The following WDFY3 variants were observed in gnomAD, a reference collection of about 807,000 sequenced individuals.
WDFY3 encodes the protein WD repeat and FYVE domain-containing protein 3.
Under a neutral mutation model 409.6 loss-of-function variants are expected in WDFY3, and 66 were observed. The ratio of observed to expected loss-of-function variants is 0.16; its 90% CI spans 0.13 to 0.20. The LOEUF is 0.20. Ranked by LOEUF, WDFY3 falls within the 10% of genes least tolerant of loss-of-function variation. WDFY3 has a pLI of 1.00. For missense variants in WDFY3, 3,031 were observed against 4,298.1 expected (o/e 0.71, Z 8.24); for synonymous variants, 1,521 against 1,537.1 (o/e 0.99, Z 0.25).
intron 3 of WDFY3, among the ~76,000 whole-genome samples, chr4:84,891,563 T>G (rs560577358): frequency 3.7e-4 from 56 of 152,238 alleles, no homozygotes; most frequent in African/African-American, 1.3e-3. Flanking sequence ...CACAAGAATC[T>G]ACAGATTCCG....
intron 12 of WDFY3, among the ~76,000 whole-genome samples, chr4:84,819,078 A>G (rs1753712594): frequency 6.6e-6 from 1 of 152,014 alleles, no homozygotes; most frequent in Middle Eastern, 3.2e-3. Context: ...CATCATACTC[A>G]TTGTTTCAAT....
At chr4:84,756,778 G>T in intron 33 of WDFY3, 148 bp downstream of exon 33, 1 of 976,750 alleles carries the variant, frequency 1.0e-6, no homozygotes, top group Non-Finnish European at 1.5e-6. Flanking sequence ...ATTTTCTGTG[G>T]TATTTTCAGA....
chr4:84,957,705 G>A (rs1253633299), intron 1 of WDFY3, among the ~76,000 whole-genome samples: 1 of 152,200 alleles, frequency 6.6e-6, no homozygotes, highest in Non-Finnish European at 1.5e-5. Flanking sequence ...CTGCACCACT[G>A]CAGTCAAGTA....
In WDFY3 at chr4:84,826,901, C is replaced by T. The variant is rs746667953; in HGVS notation, c.1037G>A (p.Gly346Asp). The T allele has an allele frequency of 6.2e-7, 1 of 1,610,868 alleles. No homozygotes were observed. Among genetic ancestry groups the T allele is most frequent in the Non-Finnish European group, 8.5e-7 (1 of 1,179,140 alleles). The part of the protein sequence containing the change: ...VNLITSLTTY[G>D]VSELKPAGIT... ...ACCAGCTGGTTTTAGTTCACTGACACCATATGTTGTTAGGGAAGTTATCAG... is the reference window on the plus strand; with the variant it reads ...ACCAGCTGGTTTTAGTTCACTGACATCATATGTTGTTAGGGAAGTTATCAG... Residue 346 changes from glycine (G) to aspartate (D), a missense_variant, in exon 10 of 68, where the codon GGT becomes GAT. Gly to Asp is a moderately conservative substitution (Grantham distance 94). Around this residue, in one of 16 missense-constraint regions of WDFY3, gnomAD observed 1,322 missense variants for 1,697.9 expected, o/e 0.78. Coordinates refer to ENST00000295888, the MANE Select transcript of WDFY3 (RefSeq NM_014991.6).
At chr4:84,766,445 A>C in intron 30 of WDFY3, 73 bp from the exon 31 acceptor site, 1 of 1,403,828 alleles carries the variant, frequency 7.1e-7, no homozygotes, top group Non-Finnish European at 9.6e-7. Context: ...TAGTTCTTGG[A>C]AAGTTTACTG....
intron 62 of WDFY3, among the ~76,000 whole-genome samples, chr4:84,686,506 C>A (rs6853343): frequency 6.6e-6 from 1 of 152,034 alleles, no homozygotes; most frequent in African/African-American, 2.4e-5. Flanking sequence ...AGATAGTTGA[C>A]TAAAAGTGTT....
At chr4:84,919,017 C>T (rs1768904098) in intron 2 of WDFY3, among the ~76,000 whole-genome samples, 1 of 151,932 alleles carries the variant, frequency 6.6e-6, no homozygotes, top group African/African-American at 2.4e-5. Context: ...AAATGACTGA[C>T]TCCAGTGCTG....
intron 5 of WDFY3, among the ~76,000 whole-genome samples, chr4:84,847,880 C>T (rs576707409): frequency 1.7e-5 from 2 of 117,756 alleles, no homozygotes; most frequent in African/African-American, 6.5e-5. Flanking sequence ...TAAGAAAGAA[C>T]ACTTAGAAAT....
intron 3 of WDFY3, among the ~76,000 whole-genome samples, chr4:84,886,072 AAATAC>A (rs1490494000): frequency 2.6e-5 from 4 of 152,210 alleles, no homozygotes; most frequent in African/African-American, 9.6e-5. Flanking sequence ...AAATAAGATG[AAATAC>A]ATTACAATGT....
At chr4:84,861,157 G>C (rs1181755470) in intron 3 of WDFY3, among the ~76,000 whole-genome samples, 1 of 152,154 alleles carries the variant, frequency 6.6e-6, no homozygotes, top group African/African-American at 2.4e-5. Flanking sequence ...GCTGCAGTGA[G>C]CCAAGATCAC....
chr4:84,938,634 G>T (rs962612195), intron 1 of WDFY3, among the ~76,000 whole-genome samples: 1 of 152,074 alleles, frequency 6.6e-6, no homozygotes, highest in African/African-American at 2.4e-5. Context: ...AAAATAAAGG[G>T]CAGATATTTT....
chr4:84,796,401 A>C (rs1452468815), intron 19 of WDFY3, 120 bp downstream of exon 19: 4 of 583,642 alleles, frequency 6.9e-6, no homozygotes, highest in Non-Finnish European at 1.0e-5. Flanking sequence ...TCAATAATTA[A>C]AAAATATTAA....
chr4:84,868,763 G>A (rs550433261), intron 3 of WDFY3, among the ~76,000 whole-genome samples: 1 of 152,248 alleles, frequency 6.6e-6, no homozygotes, highest in East Asian at 1.9e-4. Flanking sequence ...CCGCTATCTT[G>A]GGAGCGGAAA....
chr4:84,685,500 A>G lies in WDFY3; in HGVS notation c.9544-1375T>C, dbSNP rs145956100. ...CCATTTCTGACTATAAGTGTCAGCA[A>G]TTGAGTTTTAATTAGTGGCTTTAGT... On this transcript the variant is annotated intron_variant, in intron 62 of 67. Transcript: ENST00000295888. 7.5e-3 allele frequency among the ~76,000 whole-genome samples: 1,143 copies of G among 152,344 alleles called. 12 individuals are homozygous for G. Among genetic ancestry groups the G allele is most frequent in the African/African-American group, 0.026 (1,083 of 41,574 alleles).
intron 4 of WDFY3, among the ~76,000 whole-genome samples, chr4:84,855,251 A>G (rs1759598254): frequency 6.6e-6 from 1 of 152,232 alleles, no homozygotes; most frequent in South Asian, 2.1e-4. Flanking sequence ...GAGGCAATAC[A>G]GACAGAATTT....
intron 14 of WDFY3, chr4:84,809,088 A>G (rs76818217): frequency 1.2e-4 from 18 of 152,324 alleles, no homozygotes; most frequent in African/African-American, 4.3e-4. Flanking sequence ...AAAAGCAATA[A>G]CACTTGGGGC....
chr4:84,823,800 C>T (rs953196494), intron 10 of WDFY3, among the ~76,000 whole-genome samples: 1 of 152,148 alleles, frequency 6.6e-6, no homozygotes, highest in African/African-American at 2.4e-5. Flanking sequence ...CGTCAAGCAA[C>T]TGGAACTGAC....
At chr4:84,716,770 G>T in intron 49 of WDFY3, 126 bp downstream of exon 49, 2 of 794,948 alleles carry the variant, frequency 2.5e-6, no homozygotes, top group Non-Finnish European at 3.2e-6. Flanking sequence ...CTGCACTCCA[G>T]CCTGGGCGAC....
intron 17 of WDFY3, among the ~76,000 whole-genome samples, chr4:84,798,531 C>A (rs554957999): frequency 1.4e-3 from 217 of 152,148 alleles, no homozygotes; most frequent in African/African-American, 5.2e-3. Flanking sequence ...TTAAGAAGAA[C>A]CCCAACTCAA....
Sources: gnomAD v4.1 joint callset for allele counts (sites outside exome capture counted in the v4.1 genomes callset) on GRCh38, gnomAD v4.1.1 for gene constraint, gnomAD v4.1.1 regional missense constraint, MANE v1.5 for transcripts, NCBI Gene and HGNC (gene_info 2026-07-23, HGNC 2026-07-21) for gene names.